SPTLC3: variants seen among roughly 807,000 people sequenced by gnomAD.
The protein encoded by SPTLC3 is serine palmitoyltransferase 3.
In SPTLC3, 36 loss-of-function variants were observed where a neutral mutation model predicts 59.3. The ratio of observed to expected loss-of-function variants is 0.61; its 90% CI spans 0.47 to 0.80. The LOEUF is 0.80. Ranked by LOEUF, SPTLC3 falls within the 30% of genes least tolerant of loss-of-function variation. SPTLC3 has a pLI of 0.00. For synonymous variants in SPTLC3, 257 were observed against 240.8 expected, an observed-to-expected ratio of 1.07 and a Z score of -0.62; for missense variants, 625 against 685.1, an observed-to-expected ratio of 0.91 and a Z score of 0.98.
intron 1 of SPTLC3, among the ~76,000 whole-genome samples, chr20:13,018,752 A>G (rs1391120941): frequency 6.6e-6 from 1 of 152,222 alleles, no homozygotes. Flanking sequence ...AATTGCAAGA[A>G]GTCAACTATG....
At chr20:13,025,939 G>A (rs533285142) in intron 1 of SPTLC3, among the ~76,000 whole-genome samples, 2 of 152,118 alleles carry the variant, frequency 1.3e-5, no homozygotes, top group African/African-American at 4.8e-5. Context: ...CTGTCCATGT[G>A]TTCTAGGCAT....
Position 13,032,035 on chromosome 20 carries a change from T to G in SPTLC3, c.118-16910T>G, listed in dbSNP as rs546948698. 3.9e-5 allele frequency among the ~76,000 whole-genome samples: 6 copies of G among 152,318 alleles called. No homozygotes were observed. The South Asian group carries it at 1.2e-3, about 32-fold the overall frequency. The stretch of plus-strand genomic sequence containing the variant: ...AATAGCATGTAAGTAAATAAGAGCA[T>G]GTCCATAAAAGCTTTTGAGCACCTG... On this transcript the variant is annotated intron_variant, in intron 1 of 11. Coordinates refer to ENST00000399002, the MANE Select transcript of SPTLC3 (RefSeq NM_018327.4).
chr20:13,032,378 A>G (rs2122436965), intron 1 of SPTLC3, among the ~76,000 whole-genome samples: 1 of 152,292 alleles, frequency 6.6e-6, no homozygotes, highest in Middle Eastern at 3.4e-3. Context: ...TGCAGTTCTG[A>G]TAGGGGAACA....
chr20:13,089,620 T>A (rs1276055391), intron 4 of SPTLC3, among the ~76,000 whole-genome samples: 1 of 151,896 alleles, frequency 6.6e-6, no homozygotes, highest in Non-Finnish European at 1.5e-5. Flanking sequence ...ACCTCGTCTC[T>A]ACTAAAATAC....
chr20:13,113,158 G>A (rs2122717953), intron 7 of SPTLC3, among the ~76,000 whole-genome samples: 2 of 152,202 alleles, frequency 1.3e-5, no homozygotes, highest in South Asian at 4.2e-4. Flanking sequence ...ACTCCAGCCT[G>A]GGAGACAGAG....
chr20:13,056,002 G>A (rs547472866), intron 2 of SPTLC3, among the ~76,000 whole-genome samples: 1 of 152,106 alleles, frequency 6.6e-6, no homozygotes, highest in East Asian at 1.9e-4. Context: ...TCTTGGTGGA[G>A]GAAGATCCCT....
At chr20:13,080,140 A>T (rs1462182539) in intron 4 of SPTLC3, among the ~76,000 whole-genome samples, 2 of 152,204 alleles carry the variant, frequency 1.3e-5, no homozygotes, top group African/African-American at 4.8e-5. Context: ...CTTAACACTT[A>T]GAGACTCTCA....
intron 11 of SPTLC3, 53 bp downstream of exon 11, chr20:13,160,185 G>C: frequency 6.5e-7 from 1 of 1,544,154 alleles, no homozygotes; most frequent in Non-Finnish European, 8.8e-7. Flanking sequence ...TGGATTCAAA[G>C]CAAGTCCTTT....
Position 13,131,341 on chromosome 20 carries a change from G to A in SPTLC3, c.1279+4624G>A, listed in dbSNP as rs1005560292. 3.9e-5 allele frequency among the ~76,000 whole-genome samples: 6 copies of A among 152,062 alleles called. No homozygotes were observed. The South Asian group carries it at 6.2e-4, about 16-fold the overall frequency. On this transcript the variant is annotated intron_variant, in intron 9 of 11. Transcript: ENST00000399002. ...CACAGTGTGCTCTGCAGTGGTGCCC[G>A]GCCTGACATCTGCTCCATGAATGGC...
At chr20:13,157,437 CA>C (rs914543894) in intron 10 of SPTLC3, among the ~76,000 whole-genome samples, 7 of 148,878 alleles carry the variant, frequency 4.7e-5, no homozygotes, top group South Asian at 2.1e-4. Context: ...AACTCCATGT[CA>C]AAAAAAAAAT....
At chr20:13,139,115 A>ATC (rs1354442844) in intron 9 of SPTLC3, among the ~76,000 whole-genome samples, 2 of 152,132 alleles carry the variant, frequency 1.3e-5, no homozygotes, top group African/African-American at 4.8e-5. Flanking sequence ...CTCCTCCTCC[A>ATC]TCTTAATAAT....
In SPTLC3 at chr20:13,096,506, T is replaced by C. The variant is rs116466200; in HGVS notation, c.826+2929T>C. On this transcript the variant is annotated intron_variant, in intron 6 of 11. Coordinates refer to ENST00000399002, the MANE Select transcript of SPTLC3 (RefSeq NM_018327.4). ...ATGGCTGACTCTCAAGAAAAATTAT[T>C]TTAATTATTTTGAGTGAAATAAACC... 7.3e-3 allele frequency among the ~76,000 whole-genome samples: 1,109 copies of C among 151,690 alleles called. 9 individuals are homozygous for C. The highest frequency in any genetic ancestry group is 0.026 in the African/African-American group (1,069 of 41,420).
intron 1 of SPTLC3, among the ~76,000 whole-genome samples, chr20:13,048,520 T>A (rs1308642140): frequency 6.6e-6 from 1 of 152,206 alleles, no homozygotes; most frequent in Non-Finnish European, 1.5e-5. Context: ...TAAGTTCAGG[T>A]TAAATATTTC....
chr20:13,114,698 C>G (rs1205755141), intron 7 of SPTLC3, among the ~76,000 whole-genome samples: 1 of 152,170 alleles, frequency 6.6e-6, no homozygotes, highest in Non-Finnish European at 1.5e-5. Flanking sequence ...ACATTTGTTA[C>G]TTTACTTTTA....
intron 9 of SPTLC3, among the ~76,000 whole-genome samples, chr20:13,144,754 TG>T: frequency 1.2e-3 from 1 of 810 alleles, no homozygotes; most frequent in African/African-American, 0.036. Context: ...AGGTCTACTA[TG>T]TGTGTGTGTG....
chr20:13,096,954 C>A (rs973455369), intron 6 of SPTLC3, among the ~76,000 whole-genome samples: 3 of 151,918 alleles, frequency 2.0e-5, no homozygotes, highest in Non-Finnish European at 4.4e-5. Flanking sequence ...TTTTTCTATT[C>A]CAAAAATGAG....
intron 2 of SPTLC3, among the ~76,000 whole-genome samples, chr20:13,051,698 G>A (rs1987498783): frequency 6.6e-6 from 1 of 152,176 alleles, no homozygotes; most frequent in South Asian, 2.1e-4. Flanking sequence ...CATAAAATGA[G>A]ACTCAATAAA....
At position 13,167,993 on chromosome 20, in the gene SPTLC3, C is replaced by A. The variant is rs1215636647; in HGVS notation, c.*3126C>A. The A allele has an allele frequency of 6.6e-6, 1 of 152,102 alleles. No individual in the cohort carries two copies. The highest frequency in any genetic ancestry group is 1.5e-5 in the Non-Finnish European group (1 of 68,024). The allele number at this position is 152,102 out of a possible 1,614,324, so 9.4% of individuals were successfully genotyped here. A position where few individuals can be genotyped will look rare whatever the true frequency, so the allele number is the denominator to read the frequency against. Reference sequence around the variant, plus strand: ...TAAAATTAATTTATTCCACAGTCAACCTTCTCTTCTCATTGGGACATTTTG... The same window carrying A: ...TAAAATTAATTTATTCCACAGTCAAACTTCTCTTCTCATTGGGACATTTTG... On this transcript the variant is annotated 3_prime_UTR_variant, in exon 12 of 12. Coordinates refer to ENST00000399002, the MANE Select transcript of SPTLC3 (RefSeq NM_018327.4).
At chr20:13,041,734 C>G (rs926818485) in intron 1 of SPTLC3, among the ~76,000 whole-genome samples, 1 of 151,864 alleles carries the variant, frequency 6.6e-6, no homozygotes, top group Admixed American at 6.6e-5. Context: ...CACTGCCCTC[C>G]CCCGCCCCCA....
Sources: gnomAD v4.1 joint callset for allele counts (sites outside exome capture counted in the v4.1 genomes callset) on GRCh38, gnomAD v4.1.1 for gene constraint, MANE v1.5 for transcripts, NCBI Gene and HGNC (gene_info 2026-07-23, HGNC 2026-07-21) for gene names.